Variants in CLIP1 observed in about 807,000 individuals in gnomAD.
CLIP1 encodes CAP-Gly domain-containing linker protein 1.
In CLIP1, 66 loss-of-function variants were observed where a neutral mutation model predicts 161.6. The observed-to-expected ratio is 0.41, with a 90% CI of 0.33 to 0.50. The LOEUF is 0.50. Ranked by LOEUF, CLIP1 falls within the 20% of genes least tolerant of loss-of-function variation. The pLI, the probability that CLIP1 is intolerant of heterozygous loss-of-function variation, is 0.27. For synonymous variants in CLIP1, 598 were observed against 626.2 expected, an observed-to-expected ratio of 0.96 and a Z score of 0.67; for missense variants, 1,376 against 1,702.0, an observed-to-expected ratio of 0.81 and a Z score of 3.37.
chr12:122,326,343 T>G (rs186843434), intron 17 of CLIP1, among the ~76,000 whole-genome samples: 145 of 151,476 alleles, frequency 9.6e-4, no homozygotes, highest in African/African-American at 3.5e-3. Context: ...CAGCGCCTTG[T>G]GAGACTGGCC....
At chr12:122,408,095 G>A (rs1427571304) in intron 1 of CLIP1, among the ~76,000 whole-genome samples, 1 of 151,792 alleles carries the variant, frequency 6.6e-6, no homozygotes, top group Non-Finnish European at 1.5e-5. Context: ...AATTAGCCAG[G>A]CATGGTGGCG....
At chr12:122,369,976 A>T (rs1954354551) in intron 3 of CLIP1, among the ~76,000 whole-genome samples, 1 of 152,048 alleles carries the variant, frequency 6.6e-6, no homozygotes. Flanking sequence ...CAGCCTGGGC[A>T]ACATGGCGAA....
intron 21 of CLIP1, among the ~76,000 whole-genome samples, chr12:122,287,661 A>G (rs1955913066): frequency 6.6e-6 from 1 of 152,148 alleles, no homozygotes; most frequent in Non-Finnish European, 1.5e-5. Flanking sequence ...GCTTCTACAC[A>G]ATTATTTCTG....
At chr12:122,319,495 C>T in intron 17 of CLIP1, 147 bp from the exon 18 acceptor site, 1 of 619,862 alleles carries the variant, frequency 1.6e-6, no homozygotes, top group Non-Finnish European at 2.9e-6. Context: ...CAATCCAGTG[C>T]TGAAACAGAC....
intron 1 of CLIP1, among the ~76,000 whole-genome samples, chr12:122,414,716 G>A (rs11058043): frequency 0.099 from 14,984 of 151,420 alleles, 1,239 homozygotes; most frequent in East Asian, 0.45. Context: ...CACCCGCCTC[G>A]GCCTCCCAAA....
chr12:122,333,264 T>C, intron 14 of CLIP1, 121 bp from the exon 15 acceptor site: 1 of 718,128 alleles, frequency 1.4e-6, no homozygotes, highest in Non-Finnish European at 2.3e-6. Context: ...AAAATCACAT[T>C]CTAGTGAAGA....
At chr12:122,286,520 T>TAAAAAA (rs57260606) in intron 21 of CLIP1, among the ~76,000 whole-genome samples, 2 of 28,256 alleles carry the variant, frequency 7.1e-5, no homozygotes, top group Non-Finnish European at 1.4e-4. Context: ...GACTCTGTCT[T>TAAAAAA]AAAAAAAAAA....
intron 1 of CLIP1, among the ~76,000 whole-genome samples, chr12:122,389,881 G>T (rs1032276729): frequency 2.0e-5 from 3 of 150,658 alleles, no homozygotes; most frequent in African/African-American, 7.3e-5. Flanking sequence ...GGGGGGGCCC[G>T]GTGGGAGGTG....
Position 122,376,545 on chromosome 12 carries a change from C to A in CLIP1, c.657+844G>T, listed in dbSNP as rs28625865. Among the ~76,000 whole-genome samples, 309 of 152,194 alleles carry A rather than the reference C, an allele frequency of 2.0e-3. 2 individuals carry two copies. Among genetic ancestry groups the A allele is most frequent in the African/African-American group, 7.2e-3 (300 of 41,528 alleles). On this transcript the variant is annotated intron_variant, in intron 3 of 25. Transcript: ENST00000620786. ...GCGGTGGCGCAATCTCGGCTCACTG[C>A]AAGCTCCGCCTCCTGGGTTCAGGCC...
chr12:122,418,428 A>C (rs1386170678), intron 1 of CLIP1, among the ~76,000 whole-genome samples: 2 of 152,114 alleles, frequency 1.3e-5, no homozygotes, highest in African/African-American at 4.8e-5. Flanking sequence ...CTTCCATCTC[A>C]TTTCTACAAG....
chr12:122,377,877 C>T lies in CLIP1; in HGVS notation c.169G>A (p.Asp57Asn). Residue 57 changes from aspartate to asparagine, a missense_variant, in exon 3 of 26, where the codon GAC (aspartate) becomes AAC (asparagine). This residue lies in a region of CLIP1 where 66 missense variants were observed against 67.8 expected (regional missense o/e 0.97). Coordinates refer to ENST00000620786, the MANE Select transcript of CLIP1 (RefSeq NM_001247997.2). ...SSETQEEFVD[D>N]FRVGERVWVN... is the part of the protein sequence containing the mutation. Reference sequence around the variant, plus strand: ...CAAACTCGCTCCCCAACTCGAAAGTCATCCACAAATTCCTCCTGAGTCTCA... The same window carrying T: ...CAAACTCGCTCCCCAACTCGAAAGTTATCCACAAATTCCTCCTGAGTCTCA... 6.2e-7 allele frequency: 1 copy of T among 1,613,984 alleles called. No homozygotes were observed. Among genetic ancestry groups the T allele is most frequent in the African/African-American group, 1.3e-5 (1 of 75,014 alleles).
chr12:122,319,640 G>A (rs1951407927), intron 17 of CLIP1, among the ~76,000 whole-genome samples: 1 of 152,228 alleles, frequency 6.6e-6, no homozygotes, highest in Non-Finnish European at 1.5e-5. Flanking sequence ...ACACTGGCAA[G>A]CATGCTCCCT....
chr12:122,290,877 AT>A (rs1291018864), intron 20 of CLIP1, among the ~76,000 whole-genome samples: 2 of 144,908 alleles, frequency 1.4e-5, no homozygotes, highest in African/African-American at 2.5e-5. Flanking sequence ...ATTTTTTTTT[AT>A]TTTTTTTAGT....
At chr12:122,273,920 C>T (rs111887921) in intron 25 of CLIP1, 118 bp downstream of exon 25, 14 of 749,704 alleles carry the variant, frequency 1.9e-5, no homozygotes, top group Middle Eastern at 2.5e-4. Flanking sequence ...TTAGTAGAGA[C>T]GAGGTTTCAT....
intron 9 of CLIP1, among the ~76,000 whole-genome samples, chr12:122,349,222 AAGGCAAT>A (rs762081206): frequency 1.2e-4 from 19 of 152,238 alleles, no homozygotes; most frequent in Non-Finnish European, 2.4e-4. Flanking sequence ...GGAAAAAGAA[AAGGCAAT>A]AGAACCTTTC....
At position 122,280,416 on chromosome 12, in the gene CLIP1, G is replaced by A. The variant is rs544788721; in HGVS notation, c.3648-1271C>T. 3 of 152,252 alleles carry A rather than the reference G, an allele frequency of 2.0e-5. No homozygotes were observed. The South Asian group carries it at 6.2e-4, about 32-fold the overall frequency. The allele number at this position is 152,252 out of a possible 1,614,324, so 9.4% of individuals were successfully genotyped here. A position where few individuals can be genotyped will look rare whatever the true frequency, so the allele number is the denominator to read the frequency against. On this transcript the variant is annotated intron_variant, in intron 21 of 25. Coordinates refer to ENST00000620786, the MANE Select transcript of CLIP1 (RefSeq NM_001247997.2). The stretch of plus-strand genomic sequence containing the variant: ...ACTACATGCATTTCAAAATGCCAAG[G>A]TCATTAAATACAAGAAAAGGCTGAG...
chr12:122,374,928 G>A (rs1954645593), intron 3 of CLIP1, among the ~76,000 whole-genome samples: 1 of 152,110 alleles, frequency 6.6e-6, no homozygotes, highest in Non-Finnish European at 1.5e-5. Context: ...ATTCAGCACA[G>A]AACATGCAGT....
chr12:122,337,874 G>T (rs1952308972), intron 11 of CLIP1, among the ~76,000 whole-genome samples: 1 of 151,932 alleles, frequency 6.6e-6, no homozygotes, highest in Non-Finnish European at 1.5e-5. Context: ...AATTAGCCAG[G>T]CGTGGTGGCA....
intron 1 of CLIP1, chr12:122,399,483 G>A (rs997439185): frequency 1.3e-5 from 2 of 152,194 alleles, no homozygotes; most frequent in African/African-American, 2.4e-5. Flanking sequence ...CACACATAGA[G>A]CGGCATCACG....
Sources: allele counts gnomAD v4.1 joint callset (sites outside exome capture counted in the v4.1 genomes callset), GRCh38; gene constraint gnomAD v4.1.1; regional missense constraint gnomAD v4.1.1; transcripts MANE v1.5; gene names NCBI Gene and HGNC (gene_info 2026-07-23, HGNC 2026-07-21).